Variants in MFHAS1 observed in about 807,000 individuals in gnomAD.
MFHAS1 encodes the protein malignant fibrous histiocytoma-amplified sequence 1.
A neutral mutation model predicts 70.4 loss-of-function variants in MFHAS1; 50 were observed. The ratio of observed to expected loss-of-function variants is 0.71; its 90% CI spans 0.57 to 0.90. The LOEUF (loss-of-function observed/expected upper bound fraction) is 0.90, where lower values mean the gene tolerates loss of function less well. Among genes scored for constraint, MFHAS1 ranks in the 40% least tolerant of loss-of-function variants. The probability of loss-of-function intolerance (pLI) is 0.00; values close to 1 mark genes in which losing one functional copy is unlikely to be tolerated. For synonymous variants in MFHAS1, 952 were observed against 620.0 expected, an observed-to-expected ratio of 1.54 and a Z score of -7.96; for missense variants, 1,795 against 1,347.6, an observed-to-expected ratio of 1.33 and a Z score of -5.20.
At chr8:8,794,326 A>G (rs1183707288) in intron 2 of MFHAS1, among the ~76,000 whole-genome samples, 1 of 152,206 alleles carries the variant, frequency 6.6e-6, no homozygotes, top group Non-Finnish European at 1.5e-5. Flanking sequence ...CTCAGGCCCA[A>G]GCTGTGTTGA....
At chr8:8,846,082 G>A (rs1286822911) in intron 1 of MFHAS1, among the ~76,000 whole-genome samples, 1 of 151,764 alleles carries the variant, frequency 6.6e-6, no homozygotes, top group African/African-American at 2.4e-5. Flanking sequence ...GCGAAACCCT[G>A]TCTCTACTAA....
chr8:8,795,027 C>T (rs1046154474), intron 2 of MFHAS1, among the ~76,000 whole-genome samples: 4 of 152,212 alleles, frequency 2.6e-5, no homozygotes, highest in African/African-American at 7.2e-5. Flanking sequence ...GATATTTTAA[C>T]TCCTACCTCT....
intron 1 of MFHAS1, among the ~76,000 whole-genome samples, chr8:8,798,758 G>T (rs547611700): frequency 1.3e-5 from 2 of 152,274 alleles, no homozygotes; most frequent in African/African-American, 4.8e-5. Flanking sequence ...TGAAATTCTA[G>T]AGACTCCGGG....
At chr8:8,865,534 C>G (rs2116897364) in intron 1 of MFHAS1, among the ~76,000 whole-genome samples, 1 of 152,252 alleles carries the variant, frequency 6.6e-6, no homozygotes, top group Middle Eastern at 3.4e-3. Context: ...CAGGACAGCC[C>G]TGGTGAAGTG....
intron 1 of MFHAS1, among the ~76,000 whole-genome samples, chr8:8,868,248 A>G (rs962636421): frequency 2.6e-5 from 4 of 151,950 alleles, no homozygotes; most frequent in African/African-American, 9.7e-5. Flanking sequence ...ATAGCTACTT[A>G]CATGTAAACT....
At chr8:8,788,936 T>C (rs551091357) in intron 2 of MFHAS1, among the ~76,000 whole-genome samples, 31 of 152,288 alleles carry the variant, frequency 2.0e-4, no homozygotes, top group African/African-American at 7.5e-4. Flanking sequence ...GTGCAGGGCC[T>C]TGTGAGCCAC....
At chr8:8,853,668 G>C (rs897865633) in intron 1 of MFHAS1, among the ~76,000 whole-genome samples, 1 of 152,118 alleles carries the variant, frequency 6.6e-6, no homozygotes, top group African/African-American at 2.4e-5. Flanking sequence ...CAGGGTTCAA[G>C]CGATTCTCCT....
At chr8:8,846,945 A>G (rs1433401158) in intron 1 of MFHAS1, among the ~76,000 whole-genome samples, 4 of 152,210 alleles carry the variant, frequency 2.6e-5, no homozygotes, top group African/African-American at 9.6e-5. Context: ...TGCAGAATGA[A>G]GGAATAAACT....
chr8:8,872,606 T>C (rs1331600868), intron 1 of MFHAS1, among the ~76,000 whole-genome samples: 1 of 152,182 alleles, frequency 6.6e-6, no homozygotes, highest in Non-Finnish European at 1.5e-5. Flanking sequence ...GAGGCTCAGA[T>C]GCATAGGCTC....
chr8:8,796,407 CA>C (rs1334020090), intron 2 of MFHAS1, among the ~76,000 whole-genome samples: 1 of 152,142 alleles, frequency 6.6e-6, no homozygotes, highest in East Asian at 1.9e-4. Flanking sequence ...GACTGCCCGT[CA>C]AAAAACTATT....
intron 1 of MFHAS1, 46 bp downstream of exon 1, chr8:8,890,013 CAT>C (rs768582352): frequency 7.0e-7 from 1 of 1,435,054 alleles, no homozygotes; most frequent in Non-Finnish European, 9.5e-7. Context: ...TCTCCAAAAA[CAT>C]ATCTTACAGC....
chr8:8,855,958 C>T (rs755488385), intron 1 of MFHAS1, among the ~76,000 whole-genome samples: 5 of 152,220 alleles, frequency 3.3e-5, no homozygotes, highest in Admixed American at 2.6e-4. Context: ...CTGGCCATAA[C>T]AGATTCAGAA....
At chr8:8,882,361 G>A (rs905015130) in intron 1 of MFHAS1, among the ~76,000 whole-genome samples, 6 of 152,098 alleles carry the variant, frequency 3.9e-5, no homozygotes, top group Non-Finnish European at 5.9e-5. Flanking sequence ...CTGCACTCCA[G>A]CCTGGAGACA....
intron 1 of MFHAS1, among the ~76,000 whole-genome samples, chr8:8,844,536 C>A (rs1234250344): frequency 1.3e-5 from 2 of 152,186 alleles, no homozygotes; most frequent in African/African-American, 2.4e-5. Context: ...AAAAATGACA[C>A]AACTGGCGTG....
chr8:8,787,683 CA>C (rs1044482170), intron 2 of MFHAS1, among the ~76,000 whole-genome samples: 1 of 152,186 alleles, frequency 6.6e-6, no homozygotes, highest in African/African-American at 2.4e-5. Context: ...TGTAAAAACA[CA>C]CGTCTCAACC....
intron 1 of MFHAS1, among the ~76,000 whole-genome samples, chr8:8,869,067 G>A (rs376959753): frequency 6.6e-6 from 1 of 152,160 alleles, no homozygotes; most frequent in East Asian, 1.9e-4. Context: ...GAGAGGAGGA[G>A]GAGGAAGGCA....
intron 1 of MFHAS1, among the ~76,000 whole-genome samples, chr8:8,887,257 C>A (rs1315382587): frequency 6.6e-6 from 1 of 152,144 alleles, no homozygotes; most frequent in Non-Finnish European, 1.5e-5. Context: ...GTATGCTCTA[C>A]TTAAACACTC....
At position 8,890,843 on chromosome 8, in the gene MFHAS1, A is replaced by ATCCC; in HGVS notation, c.2215_2216insGGGA (p.Val739GlyfsTer14). The ATCCC allele has an allele frequency of 6.2e-7, 1 of 1,614,208 alleles. No individual in the cohort carries two copies. Among genetic ancestry groups the ATCCC allele is most frequent in the Non-Finnish European group, 8.5e-7 (1 of 1,180,028 alleles). On this transcript the variant is annotated frameshift_variant, in exon 1 of 3. Coordinates refer to ENST00000276282, the MANE Select transcript of MFHAS1 (RefSeq NM_004225.3). LOFTEE classifies it high-confidence loss of function. ...CAAAGAGGGATCCCTCTGGAAGAAG[A>ATCCC]CATTGAGGATGTCGATGAGGCGGGT...
At chr8:8,844,557 G>A (rs542749514) in intron 1 of MFHAS1, among the ~76,000 whole-genome samples, 5 of 152,282 alleles carry the variant, frequency 3.3e-5, no homozygotes, top group Non-Finnish European at 5.9e-5. Flanking sequence ...CTCTAATTCT[G>A]CAGAGGCAGG....
Sources: gnomAD v4.1 joint callset for allele counts (sites outside exome capture counted in the v4.1 genomes callset) on GRCh38, gnomAD v4.1.1 for gene constraint, MANE v1.5 for transcripts, NCBI Gene and HGNC (gene_info 2026-07-23, HGNC 2026-07-21) for gene names.